Variants in ACTN1 observed in about 807,000 individuals in gnomAD.
ACTN1 encodes the protein alpha-actinin-1.
A neutral mutation model predicts 119.6 loss-of-function variants in ACTN1; 30 were observed. The observed-to-expected ratio is 0.25, with a 90% confidence interval of 0.19 to 0.34. The LOEUF is 0.34. Among genes scored for constraint, ACTN1 ranks in the 10% least tolerant of loss-of-function variants. The pLI, the probability that ACTN1 is intolerant of heterozygous loss-of-function variation, is 1.00. For synonymous variants in ACTN1, 429 were observed against 472.6 expected (o/e 0.91, Z 1.20); for missense variants, 764 against 1,223.4 (o/e 0.62, Z 5.60).
intron 3 of ACTN1, among the ~76,000 whole-genome samples, chr14:68,914,726 T>C (rs762890973): frequency 2.0e-5 from 3 of 152,076 alleles, no homozygotes; most frequent in Non-Finnish European, 4.4e-5. Flanking sequence ...CTGTGTGATA[T>C]CACCGCTGCA....
At chr14:68,920,080 G>A (rs897052841) in intron 3 of ACTN1, among the ~76,000 whole-genome samples, 4 of 152,234 alleles carry the variant, frequency 2.6e-5, no homozygotes, top group Admixed American at 6.5e-5. Context: ...CTGGTGTCAC[G>A]AAGACCTGCG....
chr14:68,922,622 G>A (rs2034710101), intron 2 of ACTN1, among the ~76,000 whole-genome samples: 1 of 152,158 alleles, frequency 6.6e-6, no homozygotes, highest in Admixed American at 6.5e-5. Flanking sequence ...TGGCTGGAAG[G>A]GGGCTTCTGC....
chr14:68,885,706 G>T lies in ACTN1; in HGVS notation c.1235-131C>A. ...CTCAAGGAGGTGCCCATTGTGCAGG[G>T]ATCTGCAGGGTGCAAAAGCAGATGT... On this transcript the variant is annotated intron_variant, in intron 11 of 21. Transcript: ENST00000394419. This position sits in a 1 kb window ranked among gnomAD's most constrained non-coding sequence, Gnocchi z 5.6. 1 of 1,080,614 alleles carries T rather than the reference G, an allele frequency of 9.3e-7. No homozygotes were observed. The allele number at this position is 1,080,614 out of a possible 1,614,324, so 66.9% of individuals were successfully genotyped here. A position where few individuals can be genotyped will look rare whatever the true frequency, so the allele number is the denominator to read the frequency against.
At chr14:68,890,028 G>A (rs1243679853) in intron 11 of ACTN1, 111 bp downstream of exon 11, 3 of 1,476,568 alleles carry the variant, frequency 2.0e-6, no homozygotes, top group Non-Finnish European at 2.7e-6. Flanking sequence ...GAACTAGTAA[G>A]AGACCAAATG....
chr14:68,920,929 G>A (rs539872518), intron 3 of ACTN1, 77 bp downstream of exon 3: 18 of 1,574,688 alleles, frequency 1.1e-5, no homozygotes, highest in African/African-American at 1.1e-4. Context: ...GGCCCAGGAG[G>A]CAGCACAAAA....
In ACTN1 at chr14:68,941,864, C is replaced by A. The variant is rs564721306; in HGVS notation, c.106-16192G>T. ...CTAGCAGGATCCAGCAGGCACTGCACCCCAACCTCTCTGACTCAGTCAAAA... is the reference window on the plus strand; with the variant it reads ...CTAGCAGGATCCAGCAGGCACTGCAACCCAACCTCTCTGACTCAGTCAAAA... On this transcript the variant is annotated intron_variant, in intron 1 of 21. Transcript: ENST00000394419. 9.2e-5 allele frequency among the ~76,000 whole-genome samples: 14 copies of A among 152,250 alleles called. No individual in the cohort carries two copies. The South Asian group carries it at 2.7e-3, about 29-fold the overall frequency.
chr14:68,911,415 C>A (rs373382672), intron 4 of ACTN1, among the ~76,000 whole-genome samples: 4 of 152,200 alleles, frequency 2.6e-5, no homozygotes, highest in African/African-American at 9.7e-5. Flanking sequence ...TACCAAGTAC[C>A]CATAAACCGA....
chr14:68,932,172 G>A (rs1262065808), intron 1 of ACTN1, among the ~76,000 whole-genome samples: 1 of 151,868 alleles, frequency 6.6e-6, no homozygotes, highest in East Asian at 1.9e-4. Context: ...AGTGGACTGG[G>A]AAAGGCAGAC....
chr14:68,978,173 T>C, intron 1 of ACTN1: 1 of 456,228 alleles, frequency 2.2e-6, no homozygotes, highest in South Asian at 1.5e-5. Context: ...CCCCTAAGAC[T>C]GACCCTCGTT....
intron 1 of ACTN1, among the ~76,000 whole-genome samples, chr14:68,937,089 G>A (rs549313365): frequency 4.6e-5 from 7 of 152,108 alleles, no homozygotes; most frequent in African/African-American, 1.7e-4. Flanking sequence ...CCTGGTGACA[G>A]TTATCAGCTT....
chr14:68,895,167 G>A (rs12185057), intron 8 of ACTN1, among the ~76,000 whole-genome samples: 18,525 of 151,942 alleles, frequency 0.12, 1,245 homozygotes, highest in Non-Finnish European at 0.14. Context: ...GGTGGGAATG[G>A]CCAGAGGGTG....
At chr14:68,923,077 G>T (rs115802601) in intron 2 of ACTN1, among the ~76,000 whole-genome samples, 1 of 152,188 alleles carries the variant, frequency 6.6e-6, no homozygotes, top group African/African-American at 2.4e-5. Flanking sequence ...CTGGGCACAC[G>T]TCAGACCTAT....
intron 1 of ACTN1, among the ~76,000 whole-genome samples, chr14:68,943,129 C>A (rs545766700): frequency 1.6e-4 from 24 of 152,274 alleles, no homozygotes; most frequent in African/African-American, 5.8e-4. Context: ...TCCACTAGGC[C>A]GGCGGTGGTC....
intron 3 of ACTN1, among the ~76,000 whole-genome samples, chr14:68,915,313 G>A (rs541570805): frequency 6.8e-6 from 1 of 146,198 alleles, no homozygotes; most frequent in South Asian, 2.1e-4. Flanking sequence ...GGGCCTCCCT[G>A]CAGCTCCCCT....
At chr14:68,889,655 G>A (rs890696267) in intron 11 of ACTN1, among the ~76,000 whole-genome samples, 5 of 152,156 alleles carry the variant, frequency 3.3e-5, no homozygotes, top group African/African-American at 4.8e-5. Context: ...ATGGTGGCAG[G>A]CACCTGTAGT....
chr14:68,953,731 A>G (rs1003543053), intron 1 of ACTN1, among the ~76,000 whole-genome samples: 1 of 151,870 alleles, frequency 6.6e-6, no homozygotes, highest in Non-Finnish European at 1.5e-5. Flanking sequence ...ACAAAAAAAA[A>G]AAAAAATTAG....
intron 2 of ACTN1, among the ~76,000 whole-genome samples, chr14:68,922,859 G>C (rs529309480): frequency 6.6e-6 from 1 of 152,308 alleles, no homozygotes; most frequent in Non-Finnish European, 1.5e-5. Context: ...TCTGGTGTGG[G>C]TAGTCCAAGG....
chr14:68,895,610 C>A (rs1281104798), intron 8 of ACTN1, among the ~76,000 whole-genome samples: 2 of 152,134 alleles, frequency 1.3e-5, no homozygotes, highest in Non-Finnish European at 2.9e-5. Context: ...GAAGACTATG[C>A]CAGAGATGTG....
At chr14:68,965,937 G>A (rs758900780) in intron 1 of ACTN1, among the ~76,000 whole-genome samples, 3 of 152,188 alleles carry the variant, frequency 2.0e-5, no homozygotes, top group African/African-American at 4.8e-5. Flanking sequence ...TGCCTGACTC[G>A]GATGAGTATG....
Sources: allele counts gnomAD v4.1 joint callset (sites outside exome capture counted in the v4.1 genomes callset), GRCh38; gene constraint gnomAD v4.1.1; non-coding constraint Gnocchi (gnomAD v3.1); transcripts MANE v1.5; gene names NCBI Gene and HGNC (gene_info 2026-07-23, HGNC 2026-07-21).